TRIM36: variants seen among roughly 807,000 people sequenced by gnomAD.
TRIM36 encodes tripartite motif containing 36.
A neutral mutation model predicts 72.4 loss-of-function variants in TRIM36; 42 were observed. The observed-to-expected ratio is 0.58, with a 90% CI of 0.45 to 0.75. The LOEUF (loss-of-function observed/expected upper bound fraction) is 0.75, where lower values mean the gene tolerates loss of function less well. TRIM36 is among the 30% of genes least tolerant of loss of function. The pLI is 0.00. For missense variants in TRIM36, 913 were observed against 857.1 expected, an observed-to-expected ratio of 1.07 and a Z score of -0.81; for synonymous variants, 315 against 282.8, an observed-to-expected ratio of 1.11 and a Z score of -1.14.
At chr5:115,139,168 T>C (rs1420929126) in intron 5 of TRIM36, among the ~76,000 whole-genome samples, 1 of 149,786 alleles carries the variant, frequency 6.7e-6, no homozygotes, top group Non-Finnish European at 1.5e-5. Flanking sequence ...TCACCTAGGC[T>C]AGAGTGCAAT....
At chr5:115,133,138 G>A (rs1402237320) in intron 8 of TRIM36, among the ~76,000 whole-genome samples, 1 of 152,188 alleles carries the variant, frequency 6.6e-6, no homozygotes. Flanking sequence ...CTGAGGCAGT[G>A]ACTGAAAGGG....
intron 8 of TRIM36, among the ~76,000 whole-genome samples, chr5:115,131,646 T>A (rs568357430): frequency 6.6e-6 from 1 of 152,326 alleles, no homozygotes; most frequent in South Asian, 2.1e-4. Context: ...AAGGAAAGAT[T>A]TGGATACATG....
rs548819827 is a variant in TRIM36 at position 115,163,766 on chromosome 5, T to C, written c.28-14A>G. On this transcript the variant is annotated splice_polypyrimidine_tract_variant and intron_variant, in intron 1 of 9. Transcript: ENST00000513154. ...CTTAATGGTAACCTTGAGAGTAAAATAGTCCAAGTTAAAGGCTCTTAGTGG... is the reference window on the plus strand; with the variant it reads ...CTTAATGGTAACCTTGAGAGTAAAACAGTCCAAGTTAAAGGCTCTTAGTGG... 93 of 1,607,750 alleles carry C rather than the reference T, an allele frequency of 5.8e-5. No homozygotes were observed. Among genetic ancestry groups the C allele is most frequent in the Admixed American group, 1.2e-4 (7 of 59,920 alleles).
chr5:115,173,801 A>T (rs1455486019), upstream of TRIM36, among the ~76,000 whole-genome samples: 1 of 152,126 alleles, frequency 6.6e-6, no homozygotes, highest in East Asian at 1.9e-4. Flanking sequence ...TCAATAGTTT[A>T]TTTTAAAATC....
chr5:115,171,037 T>G, upstream of TRIM36: 2 of 1,608,948 alleles, frequency 1.2e-6, no homozygotes, highest in Non-Finnish European at 1.7e-6. Flanking sequence ...TGTATTAGGC[T>G]TTAAGAACAG....
At chr5:115,143,108 T>C (rs1210003511) in intron 4 of TRIM36, among the ~76,000 whole-genome samples, 1 of 151,538 alleles carries the variant, frequency 6.6e-6, no homozygotes, top group Non-Finnish European at 1.5e-5. Flanking sequence ...TCATCAACTC[T>C]TGTGTGTGAG....
chr5:115,158,632 A>T (rs1754315664), intron 2 of TRIM36, among the ~76,000 whole-genome samples: 1 of 152,144 alleles, frequency 6.6e-6, no homozygotes, highest in African/African-American at 2.4e-5. Context: ...TGCCACCTTA[A>T]TGCTTCTTTT....
Position 115,141,130 on chromosome 5 carries a change from T to C in TRIM36, c.831+149A>G, listed in dbSNP as rs1396283781. On this transcript the variant is annotated intron_variant, in intron 5 of 9. Transcript: ENST00000513154. Reference sequence around the variant, plus strand: ...CATTATAATTCATTTTTTACATTTGTTTCCATAGCCCCAGAAAAGCAGGGG... The same window carrying C: ...CATTATAATTCATTTTTTACATTTGCTTCCATAGCCCCAGAAAAGCAGGGG... 4 of 574,898 alleles carry C rather than the reference T, an allele frequency of 7.0e-6. No homozygotes were observed. The African/African-American group carries it at 7.8e-5, about 11-fold the overall frequency. The allele number at this position is 574,898 out of a possible 1,614,324, so 35.6% of individuals were successfully genotyped here.
chr5:115,147,060 T>G lies in TRIM36; in HGVS notation c.588+9A>C. ...AATAACATTCTAACTTAATAAAAAC[T>G]TCACTTACCTTGGGTCTGAAGTTAG... On this transcript the variant is annotated intron_variant, in intron 3 of 9. Coordinates refer to ENST00000513154, the MANE Select transcript of TRIM36 (RefSeq NM_001300759.2). The G allele has an allele frequency of 3.1e-6, 5 of 1,597,818 alleles. No individual in the cohort carries two copies. The highest frequency in any genetic ancestry group is 3.4e-6 in the Non-Finnish European group (4 of 1,170,254).
At chr5:115,149,423 A>G in intron 2 of TRIM36, 1 of 149,518 alleles carries the variant, frequency 6.7e-6, no homozygotes, top group Admixed American at 6.9e-5. Context: ...AACTAATCTC[A>G]AAAGTGTTAA....
chr5:115,133,013 T>C (rs1752770655), intron 8 of TRIM36, among the ~76,000 whole-genome samples: 2 of 152,202 alleles, frequency 1.3e-5, no homozygotes, highest in South Asian at 4.1e-4. Context: ...AAACAAATTG[T>C]GCTTTTCTAT....
intron 9 of TRIM36, among the ~76,000 whole-genome samples, chr5:115,129,415 G>A (rs73250098): frequency 1.5e-3 from 224 of 152,174 alleles, no homozygotes; most frequent in African/African-American, 5.2e-3. Flanking sequence ...AAAATTAGCC[G>A]GGTGTGGTGG....
intron 1 of TRIM36, chr5:115,177,964 T>C (rs1755420485): frequency 1.5e-6 from 2 of 1,324,736 alleles, no homozygotes; most frequent in Admixed American, 1.8e-5. Flanking sequence ...ATAGTGAGCA[T>C]ACTGTGATGA....
chr5:115,179,522 T>C (rs1755511281), intron 1 of TRIM36, among the ~76,000 whole-genome samples: 2 of 152,250 alleles, frequency 1.3e-5, no homozygotes, highest in African/African-American at 4.8e-5. Flanking sequence ...GGGCTGACCC[T>C]GATCGCACAC....
chr5:115,140,951 A>T (rs1561427235), intron 5 of TRIM36, among the ~76,000 whole-genome samples: 1 of 152,208 alleles, frequency 6.6e-6, no homozygotes, highest in Non-Finnish European at 1.5e-5. Context: ...TTAATTTTTT[A>T]AAATATAATA....
chr5:115,144,600 T>G lies in TRIM36; in HGVS notation c.733A>C (p.Lys245Gln), dbSNP rs564451446. 3.1e-6 allele frequency: 5 copies of G among 1,612,952 alleles called. No individual in the cohort carries two copies. The South Asian group carries it at 5.5e-5, about 18-fold the overall frequency. Residue 245 changes from lysine (K) to glutamine (Q), a missense_variant and splice_region_variant, in exon 4 of 10, where the codon AAG (lysine) becomes CAG (glutamine). Physicochemically the swap from Lys to Gln is moderately conservative, Grantham distance 53. Coordinates refer to ENST00000513154, the MANE Select transcript of TRIM36 (RefSeq NM_001300759.2). ...TCTGTTCCAAAAATAAGTCCTACCT[T>G]TAAGGTTTTGTAGGCACTGCTCATA... Reference protein sequence around the residue: ...TTMSSAYKTLKEKLSKDIDYL... With the variant: ...TTMSSAYKTLQEKLSKDIDYL...
At chr5:115,160,524 T>A (rs1249583371) in intron 2 of TRIM36, among the ~76,000 whole-genome samples, 2 of 152,162 alleles carry the variant, frequency 1.3e-5, no homozygotes, top group African/African-American at 2.4e-5. Context: ...CCGGGTTTAA[T>A]TAATCCCTTT....
intron 4 of TRIM36, among the ~76,000 whole-genome samples, chr5:115,142,297 A>T (rs1242712235): frequency 6.6e-6 from 1 of 152,202 alleles, no homozygotes; most frequent in Non-Finnish European, 1.5e-5. Context: ...AGCTGAAAGT[A>T]AAATGGCAAT....
At position 115,147,301 on chromosome 5, in the gene TRIM36, C is replaced by T. The variant is rs559713922; in HGVS notation, c.356G>A (p.Gly119Asp). The T allele has an allele frequency of 5.6e-6, 9 of 1,614,192 alleles. No individual in the cohort carries two copies. The South Asian group carries it at 9.9e-5, about 18-fold the overall frequency. The change falls in exon 3 of 10, where the codon GGT (glycine) becomes GAT (aspartate). Residue 119 changes from glycine to aspartate, a missense_variant. Transcript: ENST00000513154. ...TTCCAAAGTGAAGTTTCGAAACAGACCATTGATTCCTCGTTCTCCAAGATC... is the reference window on the plus strand; with the variant it reads ...TTCCAAAGTGAAGTTTCGAAACAGATCATTGATTCCTCGTTCTCCAAGATC... ...DVDLGERGINGLFRNFTLETI... is the reference protein window; with the variant it reads ...DVDLGERGINDLFRNFTLETI...
Sources: allele counts gnomAD v4.1 joint callset (sites outside exome capture counted in the v4.1 genomes callset), GRCh38; gene constraint gnomAD v4.1.1; transcripts MANE v1.5; gene names NCBI Gene and HGNC (gene_info 2026-07-23, HGNC 2026-07-21).